ERBB3: variants seen among roughly 807,000 people sequenced by gnomAD.
The protein encoded by ERBB3 is receptor tyrosine-protein kinase erbB-3.
A neutral mutation model predicts 156.7 loss-of-function variants in ERBB3; 96 were observed. That is an observed-to-expected ratio of 0.61 (90% CI 0.52 to 0.73). The LOEUF (loss-of-function observed/expected upper bound fraction) is 0.73. Among genes scored for constraint, ERBB3 ranks in the 30% least tolerant of loss-of-function variants. The pLI, the probability that ERBB3 is intolerant of heterozygous loss-of-function variation, is 0.00. For synonymous variants in ERBB3, 567 were observed against 632.0 expected, an observed-to-expected ratio of 0.90 and a Z score of 1.54; for missense variants, 1,406 against 1,709.4, an observed-to-expected ratio of 0.82 and a Z score of 3.13.
At chr12:56,086,468 G>GA in intron 3 of ERBB3, 63 bp from the exon 4 acceptor site, 1 of 1,608,518 alleles carries the variant, frequency 6.2e-7, no homozygotes, top group Non-Finnish European at 8.5e-7. Context: ...TGGATGGGTG[G>GA]AGAGGTAAGG....
Position 56,099,903 on chromosome 12 carries a change from G to C in ERBB3, c.3003G>C (p.Glu1001Asp). The C allele has an allele frequency of 6.2e-7, 1 of 1,614,238 alleles. No individual in the cohort carries two copies. The highest frequency in any genetic ancestry group is 8.5e-7 in the Non-Finnish European group (1 of 1,180,046). Residue 1001 changes from glutamate (E) to aspartate (D), a missense_variant, in exon 25 of 28, where the codon GAG becomes GAC. Coordinates refer to ENST00000267101, the MANE Select transcript of ERBB3 (RefSeq NM_001982.4). ...ATGGTCTGACAAACAAGAAGCTAGAGGAAGTAGAGCTGGAGCCAGAACTAG... is the reference window on the plus strand; with the variant it reads ...ATGGTCTGACAAACAAGAAGCTAGACGAAGTAGAGCTGGAGCCAGAACTAG... ...EPHGLTNKKLEEVELEPELDL... is the reference protein window; with the variant it reads ...EPHGLTNKKLDEVELEPELDL...
At chr12:56,088,261 G>C in intron 7 of ERBB3, 99 bp downstream of exon 7, 2 of 1,342,286 alleles carry the variant, frequency 1.5e-6, no homozygotes, top group South Asian at 2.4e-5. Context: ...GTGATAAATA[G>C]GGAGATTGGT....
At chr12:56,083,614 A>AG (rs1868385105) in intron 1 of ERBB3, 137 bp from the exon 2 acceptor site, 6 of 900,414 alleles carry the variant, frequency 6.7e-6, no homozygotes, top group Non-Finnish European at 1.1e-5. Context: ...CGCTTGTGGG[A>AG]GGGTTGGAGG....
rs759678672 is a variant in ERBB3, at chr12:56,098,752, G to C, written c.2693-7G>C. 5.6e-6 allele frequency: 9 copies of C among 1,614,026 alleles called. No individual in the cohort carries two copies. Among genetic ancestry groups the C allele is most frequent in the Admixed American group, 1.7e-5 (1 of 60,004 alleles). ...GCCAGTGACTAGTCCATGTCTTCCT[G>C]CAACAGGTGTGACAGTTTGGGAGTT... is the stretch of plus-strand genomic sequence containing the variant. On this transcript the variant is annotated splice_region_variant and splice_polypyrimidine_tract_variant and intron_variant, in intron 22 of 27. Coordinates refer to ENST00000267101, the MANE Select transcript of ERBB3 (RefSeq NM_001982.4).
In ERBB3 at chr12:56,086,105, G is replaced by A. The variant is rs1331821976; in HGVS notation, c.422-426G>A. On this transcript the variant is annotated intron_variant, in intron 3 of 27. Coordinates refer to ENST00000267101, the MANE Select transcript of ERBB3 (RefSeq NM_001982.4). ...AAAAAAACCAAAGTACAGTATACCT[G>A]GATGTCCCTCCTTCCCTAGGAATTC... Among the ~76,000 whole-genome samples the A allele has an allele frequency of 2.0e-5, 3 of 149,906 alleles. No homozygotes were observed. The Admixed American group carries it at 2.0e-4, about 10-fold the overall frequency.
intron 1 of ERBB3, 129 bp downstream of exon 1, chr12:56,080,511 C>A: frequency 1.3e-6 from 1 of 745,440 alleles, no homozygotes. Flanking sequence ...TTTGCCAGGA[C>A]CACCTGGGAG....
rs1405440220 is a variant in ERBB3, at chr12:56,097,214, G to C, written c.2444G>C (p.Gly815Ala). The change falls in exon 20 of 28, where the codon GGA (glycine) becomes GCA (alanine). Residue 815 changes from glycine to alanine, a missense_variant. Gly to Ala is a moderately conservative substitution (Grantham distance 60). This residue lies in a region of ERBB3 where 979 missense variants were observed against 1,219.6 expected (regional missense o/e 0.80). Transcript: ENST00000267101. ...GGGCCACAGCTGCTGCTCAACTGGGGAGTACAAATTGCCAAGGTGAGAGAA... is the reference window on the plus strand; with the variant it reads ...GGGCCACAGCTGCTGCTCAACTGGGCAGTACAAATTGCCAAGGTGAGAGAA... The part of the protein sequence containing the change: ...ALGPQLLLNW[G>A]VQIAKGMYYL... 6.2e-7 allele frequency: 1 copy of C among 1,614,122 alleles called. No individual in the cohort carries two copies. The highest frequency in any genetic ancestry group is 1.3e-5 in the African/African-American group (1 of 75,028).
At chr12:56,086,479 A>C in intron 3 of ERBB3, 52 bp from the exon 4 acceptor site, 1 of 1,612,584 alleles carries the variant, frequency 6.2e-7, no homozygotes, top group Non-Finnish European at 8.5e-7. Flanking sequence ...AGAGGTAAGG[A>C]AGAGGCGTTC....
chr12:56,080,504 G>T, intron 1 of ERBB3, 122 bp downstream of exon 1: 1 of 783,278 alleles, frequency 1.3e-6, no homozygotes, highest in Non-Finnish European at 2.1e-6. Context: ...CCCCCGGTTT[G>T]CCAGGACCAC....
At chr12:56,084,552 G>A (rs944104763) in intron 2 of ERBB3, among the ~76,000 whole-genome samples, 9 of 148,996 alleles carry the variant, frequency 6.0e-5, no homozygotes, top group Non-Finnish European at 1.0e-4. Flanking sequence ...TGACGCTGCA[G>A]TGAGCGAGAT....
chr12:56,101,480 T>C, intron 27 of ERBB3, 49 bp from the exon 28 acceptor site: 1 of 1,605,058 alleles, frequency 6.2e-7, no homozygotes, highest in African/African-American at 1.3e-5. Flanking sequence ...AACTTTCCCC[T>C]ACCCTCATGA....
In ERBB3 at chr12:56,095,821, T is replaced by G. The variant is rs1868872211; in HGVS notation, c.2055+15T>G. 1.2e-6 allele frequency: 2 copies of G among 1,613,986 alleles called. No homozygotes were observed. The highest frequency in any genetic ancestry group is 1.7e-6 in the Non-Finnish European group (2 of 1,179,982). ...AACGGGGTGAGGTGAGTACTTAGCT[T>G]ACTTTTGTTTTTTCTTTTCTTTTTT... On this transcript the variant is annotated intron_variant, in intron 17 of 27. Transcript: ENST00000267101.
In ERBB3 at chr12:56,099,677, A is replaced by T. The variant is rs1259152291; in HGVS notation, c.2869A>T (p.Thr957Ser). Residue 957 changes from threonine to serine, a missense_variant, in exon 24 of 28, where the codon ACC becomes TCC. Physicochemically the swap from Thr to Ser is moderately conservative, Grantham distance 58. Around this residue, in one of 3 missense-constraint regions of ERBB3, gnomAD observed 979 missense variants for 1,219.6 expected, o/e 0.80. Transcript: ENST00000267101. ...CWMIDENIRP[T>S]FKELANEFTR... ...GATGATTGATGAGAACATTCGCCCA[A>T]CCTTTAAAGAACTAGCCAATGAGTT... 4 of 1,614,170 alleles carry T rather than the reference A, an allele frequency of 2.5e-6. No homozygotes were observed. The highest frequency in any genetic ancestry group is 3.4e-6 in the Non-Finnish European group (4 of 1,180,034).
At chr12:56,080,512 C>T in intron 1 of ERBB3, 130 bp downstream of exon 1, 1 of 736,278 alleles carries the variant, frequency 1.4e-6, no homozygotes, top group Non-Finnish European at 2.3e-6. Context: ...TTGCCAGGAC[C>T]ACCTGGGAGA....
chr12:56,089,207 C>T (rs1868588023), intron 9 of ERBB3: 1 of 456,822 alleles, frequency 2.2e-6, no homozygotes, highest in Admixed American at 2.4e-5. Context: ...GATCTCGACT[C>T]ACTGTAGCCT....
chr12:56,084,821 C>T (rs1345538613), intron 2 of ERBB3, among the ~76,000 whole-genome samples, 174 bp from the exon 3 acceptor site: 1 of 151,836 alleles, frequency 6.6e-6, no homozygotes, highest in Non-Finnish European at 1.5e-5. Context: ...GTACTCCAGC[C>T]TGGGCAACAA....
intron 9 of ERBB3, 184 bp downstream of exon 9, chr12:56,089,052 A>G (rs1868581834): frequency 2.7e-6 from 2 of 753,222 alleles, no homozygotes; most frequent in Non-Finnish European, 4.6e-6. Flanking sequence ...CCCCTCAGGA[A>G]CATCTTTGAG....
rs765693205 is a variant in ERBB3 at position 56,083,884 on chromosome 12, C to T, written c.216C>T (p.Ala72=). 5.5e-5 allele frequency: 88 copies of T among 1,613,912 alleles called. No individual in the cohort carries two copies. In the South Asian group the frequency reaches 7.0e-4, roughly 13 times the overall value. ...NLEIVLTGHN[A]DLSFLQWIRE... is the part of the protein sequence containing the mutation. Reference sequence around the variant, plus strand: ...AGATTGTGCTCACGGGACACAATGCCGACCTCTCCTTCCTGCAGGTTAGTG... The same window carrying T: ...AGATTGTGCTCACGGGACACAATGCTGACCTCTCCTTCCTGCAGGTTAGTG... The change falls in exon 2 of 28, where the codon GCC becomes GCT. Residue 72 remains alanine (A), a synonymous_variant. Transcript: ENST00000267101.
chr12:56,088,938 A>G (rs1565857734), intron 9 of ERBB3, 70 bp downstream of exon 9: 1 of 1,597,234 alleles, frequency 6.3e-7, no homozygotes, highest in Non-Finnish European at 8.6e-7. Flanking sequence ...CATTGGCCAA[A>G]ACTTTCCTAT....
Sources: allele counts gnomAD v4.1 joint callset (sites outside exome capture counted in the v4.1 genomes callset), GRCh38; gene constraint gnomAD v4.1.1; regional missense constraint gnomAD v4.1.1; transcripts MANE v1.5; gene names NCBI Gene and HGNC (gene_info 2026-07-23, HGNC 2026-07-21).